The following PCDHGA5 variants were observed in gnomAD, a reference collection of about 807,000 sequenced individuals.
The protein encoded by PCDHGA5 is protocadherin gamma-A5.
In PCDHGA5, 36 loss-of-function variants were observed where a neutral mutation model predicts 56.7. The observed-to-expected ratio is 0.64, with a 90% CI of 0.49 to 0.84. The LOEUF is 0.84. PCDHGA5 is among the 40% of genes least tolerant of loss of function. PCDHGA5 has a pLI of 0.00. For synonymous variants in PCDHGA5, 563 were observed against 520.2 expected, an observed-to-expected ratio of 1.08 and a Z score of -1.12; for missense variants, 1,305 against 1,201.5, an observed-to-expected ratio of 1.09 and a Z score of -1.27.
intron 1 of PCDHGA5, chr5:141,394,431 C>G: frequency 1.2e-6 from 2 of 1,614,252 alleles, no homozygotes; most frequent in Non-Finnish European, 1.7e-6. Context: ...CAGCGGGGAC[C>G]CGCCCCTCAG....
At chr5:141,377,245 G>C (rs376774075) in intron 1 of PCDHGA5, 1 of 151,350 alleles carries the variant, frequency 6.6e-6, no homozygotes, top group South Asian at 2.1e-4. Context: ...TGTGACATTT[G>C]TAAGGTTCTT....
chr5:141,457,270 T>C (rs1338894991), intron 1 of PCDHGA5, among the ~76,000 whole-genome samples: 2 of 152,234 alleles, frequency 1.3e-5, no homozygotes. Flanking sequence ...TTCCCCTCTG[T>C]GGGCCTACGA....
chr5:141,372,918 G>A (rs1350578389), intron 1 of PCDHGA5: 1 of 1,022,894 alleles, frequency 9.8e-7, no homozygotes, highest in African/African-American at 1.6e-5. Flanking sequence ...TTATTTTATT[G>A]ATTTTCTGGT....
chr5:141,489,491 T>C lies in PCDHGA5; in HGVS notation c.2422-5316T>C. On this transcript the variant is annotated intron_variant, in intron 1 of 3. Transcript: ENST00000518069. This position sits in a 1 kb window ranked among gnomAD's most constrained non-coding sequence, Gnocchi z 4.5. ...TCCCTGAGCTTGATGAGTGGTGCCC[T>C]GGCAGTGAATCAAAAGATTGACCGA... The C allele has an allele frequency of 6.2e-7, 1 of 1,614,066 alleles. No individual in the cohort carries two copies. The highest frequency in any genetic ancestry group is 8.5e-7 in the Non-Finnish European group (1 of 1,180,024).
Position 141,486,276 on chromosome 5 carries a change from T to C in PCDHGA5, c.2422-8531T>C. The C allele has an allele frequency of 1.2e-6, 2 of 1,613,980 alleles. No homozygotes were observed. The highest frequency in any genetic ancestry group is 1.7e-6 in the Non-Finnish European group (2 of 1,179,974). On this transcript the variant is annotated intron_variant, in intron 1 of 3. Coordinates refer to ENST00000518069, the MANE Select transcript of PCDHGA5 (RefSeq NM_018918.3). The surrounding 1 kb of genome is among the most constrained non-coding windows in gnomAD (Gnocchi z 5.0). ...CCCGAGAGTGCAGAACCTGGCACTG[T>C]GGTGGCACTTATCAGTGTGCAGGAT...
intron 1 of PCDHGA5, chr5:141,427,791 G>T (rs763294539): frequency 1.3e-6 from 2 of 1,488,082 alleles, no homozygotes; most frequent in South Asian, 1.1e-5. Context: ...GTCGTCCTAC[G>T]TGTCCGTGAG....
At chr5:141,455,534 A>G (rs985347185) in intron 1 of PCDHGA5, among the ~76,000 whole-genome samples, 1 of 152,178 alleles carries the variant, frequency 6.6e-6, no homozygotes, top group Non-Finnish European at 1.5e-5. Flanking sequence ...GACCAGGCAT[A>G]TCATTCACGT....
intron 1 of PCDHGA5, among the ~76,000 whole-genome samples, chr5:141,480,106 A>C (rs1466691134): frequency 6.6e-6 from 1 of 152,196 alleles, no homozygotes; most frequent in Non-Finnish European, 1.5e-5. Context: ...AGTGTTTAGC[A>C]TGGTGCCTGG....
intron 1 of PCDHGA5, among the ~76,000 whole-genome samples, chr5:141,407,290 G>A (rs1025830566): frequency 3.3e-5 from 5 of 152,154 alleles, no homozygotes; most frequent in African/African-American, 1.2e-4. Context: ...TACAATTTCT[G>A]TTCTGAGGAG....
At chr5:141,480,298 C>T (rs1238380283) in intron 1 of PCDHGA5, among the ~76,000 whole-genome samples, 1 of 132,676 alleles carries the variant, frequency 7.5e-6, no homozygotes, top group Non-Finnish European at 1.6e-5. Flanking sequence ...ACCTGTGGTA[C>T]CAGCTACTTG....
intron 1 of PCDHGA5, chr5:141,389,481 C>G (rs372276550): frequency 3.7e-5 from 60 of 1,612,962 alleles, no homozygotes; most frequent in African/African-American, 8.0e-5. Flanking sequence ...ACTGCAGGCC[C>G]GCGACCAGGG....
Position 141,421,262 on chromosome 5 carries a change from G to GGCTGCT in PCDHGA5, c.2421+54522_2421+54527dup, listed in dbSNP as rs748368476. 11 of 1,609,598 alleles carry GGCTGCT rather than the reference G, an allele frequency of 6.8e-6. No individual in the cohort carries two copies. The Admixed American group carries it at 8.4e-5, about 12-fold the overall frequency. ...CGGCTACAGCGCGGGGACCGCAGTC[G>GGCTGCT]GCTGCTGCTGCTGCTGTGCATTTTC... is the stretch of plus-strand genomic sequence containing the variant. On this transcript the variant is annotated intron_variant, in intron 1 of 3. Coordinates refer to ENST00000518069, the MANE Select transcript of PCDHGA5 (RefSeq NM_018918.3).
In PCDHGA5 at chr5:141,431,643, A is replaced by G. The variant is rs528599572; in HGVS notation, c.2422-63164A>G. Reference sequence around the variant, plus strand: ...AAGGCGGCCCAAGTTTTCAAACTAGATTGTAATTCAGGGACAATATCAACA... The same window carrying G: ...AAGGCGGCCCAAGTTTTCAAACTAGGTTGTAATTCAGGGACAATATCAACA... On this transcript the variant is annotated intron_variant, in intron 1 of 3. Coordinates refer to ENST00000518069, the MANE Select transcript of PCDHGA5 (RefSeq NM_018918.3). The surrounding 1 kb of genome is among the most constrained non-coding windows in gnomAD (Gnocchi z 4.8). 5.0e-5 allele frequency: 81 copies of G among 1,614,240 alleles called. No individual in the cohort carries two copies. In the South Asian group the frequency reaches 7.4e-4, roughly 15 times the overall value.
At chr5:141,400,400 C>A (rs375490385) in intron 1 of PCDHGA5, 2 of 1,614,000 alleles carry the variant, frequency 1.2e-6, no homozygotes, top group Admixed American at 3.3e-5. Flanking sequence ...ACAGGAAAGA[C>A]GGAGTTTAAT....
chr5:141,377,009 G>A (rs1392243564), intron 1 of PCDHGA5: 2 of 155,212 alleles, frequency 1.3e-5, no homozygotes, highest in Non-Finnish European at 2.9e-5. Flanking sequence ...TTTATTGGTT[G>A]ACAGGAAAAT....
intron 1 of PCDHGA5, chr5:141,415,762 T>TGTTTG: frequency 7.1e-7 from 1 of 1,399,990 alleles, no homozygotes; most frequent in Non-Finnish European, 9.3e-7. Flanking sequence ...TTTTTTTTTT[T>TGTTTG]TTTTTTTTTT....
At chr5:141,406,255 A>G (rs1456869005) in intron 1 of PCDHGA5, among the ~76,000 whole-genome samples, 1 of 151,948 alleles carries the variant, frequency 6.6e-6, no homozygotes, top group Admixed American at 6.5e-5. Context: ...ACTGGTCTCA[A>G]ACGATCTTCC....
chr5:141,485,561 G>A lies in PCDHGA5; in HGVS notation c.2422-9246G>A. 1.9e-6 allele frequency: 3 copies of A among 1,613,008 alleles called. No homozygotes were observed. The highest frequency in any genetic ancestry group is 1.1e-5 in the South Asian group (1 of 91,026). ...AGAGATCGTAGATGTGAATGATCACGCCCCCCGTTTTCCGCGGCAGCAGCT... is the reference window on the plus strand; with the variant it reads ...AGAGATCGTAGATGTGAATGATCACACCCCCCGTTTTCCGCGGCAGCAGCT... On this transcript the variant is annotated intron_variant, in intron 1 of 3. Transcript: ENST00000518069. The surrounding 1 kb of genome is among the most constrained non-coding windows in gnomAD (Gnocchi z 5.7).
Position 141,485,795 on chromosome 5 carries a change from T to G in PCDHGA5, c.2422-9012T>G, listed in dbSNP as rs1225630684. On this transcript the variant is annotated intron_variant, in intron 1 of 3. Coordinates refer to ENST00000518069, the MANE Select transcript of PCDHGA5 (RefSeq NM_018918.3). The surrounding 1 kb of genome is among the most constrained non-coding windows in gnomAD (Gnocchi z 5.7). ...TTTGGATCGAGAGAAGCAATCGGAC[T>G]ACCGCCTGGTGCTGACTGCTGTCGA... 16 of 1,614,092 alleles carry G rather than the reference T, an allele frequency of 9.9e-6. No individual in the cohort carries two copies. The highest frequency in any genetic ancestry group is 1.1e-5 in the Non-Finnish European group (13 of 1,180,046).
Sources: allele counts gnomAD v4.1 joint callset (sites outside exome capture counted in the v4.1 genomes callset), GRCh38; gene constraint gnomAD v4.1.1; non-coding constraint Gnocchi (gnomAD v3.1); transcripts MANE v1.5; gene names NCBI Gene and HGNC (gene_info 2026-07-23, HGNC 2026-07-21).